The following VPS11 variants were observed in gnomAD, a reference collection of about 807,000 sequenced individuals.
The protein encoded by VPS11 is VPS11 core subunit of CORVET and HOPS complexes.
VPS11 carries 51 observed loss-of-function variants against 106.8 expected under a neutral mutation model. The ratio of observed to expected loss-of-function variants is 0.48; its 90% CI spans 0.38 to 0.60. The LOEUF (loss-of-function observed/expected upper bound fraction) is 0.60, where lower values mean the gene tolerates loss of function less well. Ranked by LOEUF, VPS11 falls within the 20% of genes least tolerant of loss-of-function variation. The probability of loss-of-function intolerance (pLI) is 0.00; values close to 1 mark genes in which losing one functional copy is unlikely to be tolerated. For synonymous variants in VPS11, 453 were observed against 458.7 expected (o/e 0.99, Z 0.16); for missense variants, 950 against 1,190.0 (o/e 0.80, Z 2.97).
chr11:119,081,695 T>TA lies in VPS11; in HGVS notation c.*73dup, dbSNP rs1429311582. On this transcript the variant is annotated 3_prime_UTR_variant, in exon 16 of 16. Transcript: ENST00000621676. ...GACACAATGGGACCTGGGCGGGCGTTACACAGAAGGCTGGCTGACATGCCC... is the reference window on the plus strand; with the variant it reads ...GACACAATGGGACCTGGGCGGGCGTTAACACAGAAGGCTGGCTGACATGCCC... 24 of 1,553,926 alleles carry TA rather than the reference T, an allele frequency of 1.5e-5. No individual in the cohort carries two copies. The highest frequency in any genetic ancestry group is 1.2e-4 in the Admixed American group (6 of 51,146).
In VPS11 at chr11:119,078,568, A is replaced by G; in HGVS notation, c.1927A>G (p.Lys643Glu). ...NWAHEKDPQV[K>E]EKLHAEAISL... ...CTCTGCCCTCCTTCCTCTCCAGGTC[A>G]AAGAGAAGCTTCACGCAGAGGCCAT... is the stretch of plus-strand genomic sequence containing the variant. The change falls in exon 12 of 16, where the codon AAA (lysine) becomes GAA (glutamate). Residue 643 changes from lysine to glutamate, a missense_variant. Physicochemically the swap from Lys to Glu is moderately conservative, Grantham distance 56 (BLOSUM62 1). This residue lies in a region of VPS11 where 453 missense variants were observed against 514.6 expected (regional missense o/e 0.88). Coordinates refer to ENST00000621676, the MANE Select transcript of VPS11 (RefSeq NM_021729.6). 1.9e-6 allele frequency: 3 copies of G among 1,608,602 alleles called. No individual in the cohort carries two copies. The highest frequency in any genetic ancestry group is 2.6e-6 in the Non-Finnish European group (3 of 1,175,508).
rs182914178 is a variant in VPS11 at position 119,070,629 on chromosome 11, C to T, written c.636+232C>T. The T allele has an allele frequency of 1.2e-4, 35 of 296,734 alleles. No homozygotes were observed. In the East Asian group the frequency reaches 1.4e-3, roughly 12 times the overall value. The allele number at this position is 296,734 out of a possible 1,614,324, so 18.4% of individuals were successfully genotyped here. A position where few individuals can be genotyped will look rare whatever the true frequency, so the allele number is the denominator to read the frequency against. On this transcript the variant is annotated intron_variant, in intron 4 of 15. Transcript: ENST00000621676. ...TTTCTTTCTTTTTTTTTTTTGAGAC[C>T]GAGTCTCACTGTGTTGCTCAGGCTG...
At chr11:119,076,408 C>T (rs983473897) in intron 7 of VPS11, among the ~76,000 whole-genome samples, 2 of 151,930 alleles carry the variant, frequency 1.3e-5, no homozygotes, top group South Asian at 4.2e-4. Flanking sequence ...TGCCTGTAAT[C>T]CCAGCTACTC....
chr11:119,071,736 G>A lies in VPS11; in HGVS notation c.777G>A (p.Gln259=), dbSNP rs1397790924. ...VAGDECVYLY[Q]PDERGPCFAF... ...GGGATGAGTGTGTCTACTTGTACCA[G>A]CCTGATGAACGTGGGCCCTGCTTCG... Residue 259 remains glutamine, a synonymous_variant, in exon 5 of 16, where the codon CAG becomes CAA. Transcript: ENST00000621676. 3 of 1,614,002 alleles carry A rather than the reference G, an allele frequency of 1.9e-6. No homozygotes were observed. The highest frequency in any genetic ancestry group is 1.3e-5 in the African/African-American group (1 of 75,044).
At chr11:119,077,194 AT>A in intron 8 of VPS11, 111 bp downstream of exon 8, 1 of 1,335,886 alleles carries the variant, frequency 7.5e-7, no homozygotes, top group Non-Finnish European at 1.0e-6. Context: ...GGCTGACCTT[AT>A]TTAGAGGAGT....
Position 119,071,968 on chromosome 11 carries a change from A to C in VPS11, c.884+125A>C, listed in dbSNP as rs1334462171. ...CTCCTACTCCGGTGTTATGTAGGTA[A>C]CATTTCTGTTTTTTTTTTTTGAGAT... On this transcript the variant is annotated intron_variant, in intron 5 of 15. Coordinates refer to ENST00000621676, the MANE Select transcript of VPS11 (RefSeq NM_021729.6). The C allele has an allele frequency of 4.5e-6, 6 of 1,340,634 alleles. No individual in the cohort carries two copies. In the East Asian group the frequency reaches 1.2e-4, roughly 26 times the overall value. 83.0% of individuals were successfully genotyped at this position (1,340,634 alleles called of 1,614,324 possible).
chr11:119,079,809 A>T (rs895885548), intron 14 of VPS11, among the ~76,000 whole-genome samples: 1 of 152,176 alleles, frequency 6.6e-6, no homozygotes, highest in Non-Finnish European at 1.5e-5. Context: ...TCCTGGCCTC[A>T]AGTGATCCTC....
chr11:119,081,445 C>A lies in VPS11; in HGVS notation c.2662-14C>A, dbSNP rs1945849332. 4 of 1,613,848 alleles carry A rather than the reference C, an allele frequency of 2.5e-6. No homozygotes were observed. Among genetic ancestry groups the A allele is most frequent in the South Asian group, 1.1e-5 (1 of 91,080 alleles). Reference sequence around the variant, plus strand: ...GATTCTGATTCGTATTCCTTCCCTCCTCTTCTCCTGCAGCTCAAGTGCTCC... The same window carrying A: ...GATTCTGATTCGTATTCCTTCCCTCATCTTCTCCTGCAGCTCAAGTGCTCC... On this transcript the variant is annotated splice_polypyrimidine_tract_variant and intron_variant, in intron 15 of 15. Coordinates refer to ENST00000621676, the MANE Select transcript of VPS11 (RefSeq NM_021729.6).
chr11:119,071,496 A>C, intron 4 of VPS11, 100 bp from the exon 5 acceptor site: 1 of 1,465,568 alleles, frequency 6.8e-7, no homozygotes. Flanking sequence ...TAGAATGCCA[A>C]GAGGGAAAAA....
rs369509653 is a variant in VPS11 at position 119,078,992 on chromosome 11, T to C, written c.2261T>C (p.Leu754Pro). 3 of 1,613,904 alleles carry C rather than the reference T, an allele frequency of 1.9e-6. No homozygotes were observed. The highest frequency in any genetic ancestry group is 2.7e-5 in the African/African-American group (2 of 74,942). Residue 754 changes from leucine (L) to proline (P), a missense_variant, in exon 13 of 16, where the codon CTT becomes CCT. Physicochemically the swap from Leu to Pro is moderately conservative, Grantham distance 98. Transcript: ENST00000621676. ...GAGAACAAGAACCTCATGCCACCTCTTCTAGGTACTTGGGAAGACAGATGG... is the reference window on the plus strand; with the variant it reads ...GAGAACAAGAACCTCATGCCACCTCCTCTAGGTACTTGGGAAGACAGATGG... ...HIENKNLMPP[L>P]LVVQTLAHNS...
Position 119,078,798 on chromosome 11 carries a change from C to T in VPS11, c.2067C>T (p.Phe689=). 1 of 1,613,216 alleles carries T rather than the reference C, an allele frequency of 6.2e-7. No homozygotes were observed. The highest frequency in any genetic ancestry group is 8.5e-7 in the Non-Finnish European group (1 of 1,179,534). ...VLYLYEQGKL[F]QQIMHYHMQH... is the part of the protein sequence containing the mutation. ...TGTGCCCTTGCCCCGGCCGCAGGTT[C>T]CAGCAGATCATGCACTACCACATGC... The change falls in exon 13 of 16, where the codon TTC becomes TTT. Residue 689 remains phenylalanine, a synonymous_variant. Coordinates refer to ENST00000621676, the MANE Select transcript of VPS11 (RefSeq NM_021729.6).
chr11:119,069,928 G>A (rs1234296372), intron 3 of VPS11, among the ~76,000 whole-genome samples: 1 of 151,836 alleles, frequency 6.6e-6, no homozygotes, highest in Non-Finnish European at 1.5e-5. Context: ...AACCTGGGAG[G>A]CGGAGTTTGC....
At chr11:119,076,240 A>T (rs1043457674) in intron 7 of VPS11, among the ~76,000 whole-genome samples, 1 of 148,082 alleles carries the variant, frequency 6.8e-6, no homozygotes, top group East Asian at 2.0e-4. Context: ...ATAATAATAA[A>T]AAAAGGCCGG....
rs1228980576 is a variant in VPS11, at chr11:119,073,222, A to G, written c.909A>G (p.Ser303=). The part of the protein sequence containing the change: ...SPKSEFTSRD[S]QSSDKQILNI... The stretch of plus-strand genomic sequence containing the variant: ...GGTCAGAGTTTACCAGCAGGGATTC[A>G]CAGAGCTCCGACAAGCAGATTCTAA... Residue 303 remains serine (S), a synonymous_variant, in exon 6 of 16, where the codon TCA becomes TCG. Transcript: ENST00000621676. 1 of 1,613,552 alleles carries G rather than the reference A, an allele frequency of 6.2e-7. No individual in the cohort carries two copies. The highest frequency in any genetic ancestry group is 8.5e-7 in the Non-Finnish European group (1 of 1,179,700).
intron 14 of VPS11, 67 bp from the exon 15 acceptor site, chr11:119,081,025 T>A: frequency 6.8e-7 from 1 of 1,461,888 alleles, no homozygotes; most frequent in Non-Finnish European, 9.5e-7. Context: ...GCTGCCTTCT[T>A]TCTCATCCTT....
rs782214068 is a variant in VPS11, at chr11:119,069,558, T to C, written c.453T>C (p.Asn151=). 6 of 1,613,786 alleles carry C rather than the reference T, an allele frequency of 3.7e-6. No homozygotes were observed. Among genetic ancestry groups the C allele is most frequent in the Admixed American group, 1.7e-5 (1 of 59,992 alleles). Residue 151 remains asparagine, a synonymous_variant, in exon 3 of 16, where the codon AAT becomes AAC. Transcript: ENST00000621676. ...TATCTTGTTTGACTGTCCATGAAAATCTCAACTTTATGGCCATTGGTAAAC... is the reference window on the plus strand; with the variant it reads ...TATCTTGTTTGACTGTCCATGAAAACCTCAACTTTATGGCCATTGGTAAAC... ...TVVSCLTVHE[N]LNFMAIGFTD... is the part of the protein sequence containing the mutation.
chr11:119,073,665 G>A (rs2134765426), intron 6 of VPS11, 135 bp from the exon 7 acceptor site: 1 of 999,418 alleles, frequency 1.0e-6, no homozygotes, highest in South Asian at 1.7e-5. Flanking sequence ...GGGATATCTG[G>A]TAGCTCTTGG....
At chr11:119,079,875 A>G (rs1214403299) in intron 14 of VPS11, among the ~76,000 whole-genome samples, 3 of 152,000 alleles carry the variant, frequency 2.0e-5, no homozygotes, top group Non-Finnish European at 2.9e-5. Context: ...CATAATCCCA[A>G]CTCTGAAATC....
At position 119,077,574 on chromosome 11, in the gene VPS11, C is replaced by A; in HGVS notation, c.1499C>A (p.Ser500Tyr). 6.2e-7 allele frequency: 1 copy of A among 1,613,986 alleles called. No individual in the cohort carries two copies. The highest frequency in any genetic ancestry group is 8.5e-7 in the Non-Finnish European group (1 of 1,179,858). ...GTCCTCCGGCAGGCTGGCTACTACTCCCATGCCCTGTATCTGGCGGAGAAC... is the reference window on the plus strand; with the variant it reads ...GTCCTCCGGCAGGCTGGCTACTACTACCATGCCCTGTATCTGGCGGAGAAC... ...IKVLRQAGYY[S>Y]HALYLAENHA... The change falls in exon 9 of 16, where the codon TCC (serine) becomes TAC (tyrosine). Residue 500 changes from serine (S) to tyrosine (Y), a missense_variant. By Grantham distance (144) the Ser-to-Tyr change is moderately radical. Around this residue, in one of 3 missense-constraint regions of VPS11, gnomAD observed 435 missense variants for 630.2 expected, o/e 0.69. Transcript: ENST00000621676.
Sources: allele counts gnomAD v4.1 joint callset (sites outside exome capture counted in the v4.1 genomes callset), GRCh38; gene constraint gnomAD v4.1.1; regional missense constraint gnomAD v4.1.1; transcripts MANE v1.5; gene names NCBI Gene and HGNC (gene_info 2026-07-23, HGNC 2026-07-21).